DNAH11: variants seen among roughly 807,000 people sequenced by gnomAD.
DNAH11 encodes the protein dynein axonemal heavy chain 11.
In DNAH11, 442 loss-of-function variants were observed where a neutral mutation model predicts 526.0. That is an observed-to-expected ratio of 0.84 (90% CI 0.78 to 0.91). The LOEUF (loss-of-function observed/expected upper bound fraction) is 0.91, where lower values mean the gene tolerates loss of function less well. Ranked by LOEUF, DNAH11 falls within the 40% of genes least tolerant of loss-of-function variation. The pLI is 0.00. For synonymous variants in DNAH11, 2,461 were observed against 1,935.9 expected, an observed-to-expected ratio of 1.27 and a Z score of -7.12; for missense variants, 6,989 against 5,448.7, an observed-to-expected ratio of 1.28 and a Z score of -8.90.
At chr7:21,628,376 G>C (rs1786450271) in intron 25 of DNAH11, among the ~76,000 whole-genome samples, 1 of 152,068 alleles carries the variant, frequency 6.6e-6, no homozygotes, top group Non-Finnish European at 1.5e-5. Flanking sequence ...CCAGATCTTA[G>C]AGGAAAGGCT....
At chr7:21,639,240 A>G (rs769320504) in intron 28 of DNAH11, among the ~76,000 whole-genome samples, 175 bp downstream of exon 28, 1 of 152,192 alleles carries the variant, frequency 6.6e-6, no homozygotes, top group Non-Finnish European at 1.5e-5. Context: ...AAAAGGGAGT[A>G]GGAAGAATAA....
chr7:21,573,505 CT>C (rs980742260), intron 8 of DNAH11, among the ~76,000 whole-genome samples: 9 of 152,182 alleles, frequency 5.9e-5, no homozygotes, highest in African/African-American at 2.2e-4. Context: ...ATGACCATTA[CT>C]TTTTTAAAAA....
At chr7:21,736,416 T>C (rs1422430589) in intron 46 of DNAH11, among the ~76,000 whole-genome samples, 1 of 152,124 alleles carries the variant, frequency 6.6e-6, no homozygotes, top group Non-Finnish European at 1.5e-5. Context: ...AAAGAGCTGA[T>C]GTCGGAAGGC....
chr7:21,773,802 C>T lies in DNAH11; in HGVS notation c.9139C>T (p.His3047Tyr), dbSNP rs1159816817. Residue 3047 changes from histidine to tyrosine, a missense_variant, in exon 56 of 82, where the codon CAT (histidine) becomes TAT (tyrosine). Physicochemically the swap from His to Tyr is moderately conservative, Grantham distance 83 (BLOSUM62 2). Transcript: ENST00000409508. ...AGACTCTATTAGCCTTTTCATGGCACATGTTCACACCACTGTAAATGAAAT... is the reference window on the plus strand; with the variant it reads ...AGACTCTATTAGCCTTTTCATGGCATATGTTCACACCACTGTAAATGAAAT... ...HKDSISLFMA[H>Y]VHTTVNEMST... 3.1e-6 allele frequency: 5 copies of T among 1,605,818 alleles called. 1 individual carries two copies.
At chr7:21,656,038 G>A (rs1782002552) in intron 29 of DNAH11, 57 bp downstream of exon 29, 52 of 1,486,042 alleles carry the variant, frequency 3.5e-5, no homozygotes, top group Non-Finnish European at 4.4e-5. Flanking sequence ...CATGCTCTTA[G>A]AAGGTTGAGT....
Position 21,558,834 on chromosome 7 carries a change from C to A in DNAH11, c.528C>A (p.Asn176Lys). The A allele has an allele frequency of 1.2e-6, 2 of 1,601,290 alleles. No homozygotes were observed. The highest frequency in any genetic ancestry group is 1.7e-6 in the Non-Finnish European group (2 of 1,174,842). Residue 176 changes from asparagine (N) to lysine (K), a missense_variant, in exon 3 of 82, where the codon AAC becomes AAA. Transcript: ENST00000409508. ...TGCCAGTTCTTTCTAATAAGAACAA[C>A]CATAAGTCCTGGTCCTGTTTTACTT... ...ILVPVLSNKN[N>K]HKSWSCFTSQ...
intron 7 of DNAH11, 73 bp downstream of exon 7, chr7:21,570,372 AT>A (rs1783837850): frequency 2.4e-6 from 3 of 1,243,254 alleles, no homozygotes; most frequent in Admixed American, 4.6e-5. Context: ...CACATGATTC[AT>A]GGAACAGTTT....
intron 65 of DNAH11, among the ~76,000 whole-genome samples, chr7:21,826,154 A>G (rs1276921412): frequency 6.6e-6 from 1 of 152,218 alleles, no homozygotes; most frequent in Admixed American, 6.5e-5. Context: ...CTTGTACCCC[A>G]TAAATCTATA....
rs200306805 is a variant in DNAH11, at chr7:21,733,841, T to TTA, written c.7441-1788_7441-1787dup. 7.4e-3 allele frequency among the ~76,000 whole-genome samples: 1,121 copies of TTA among 152,154 alleles called. 5 individuals are homozygous for TTA. Among genetic ancestry groups the TTA allele is most frequent in the Non-Finnish European group, 0.012 (805 of 67,992 alleles). ...AGGCAGGGACTGTCGCTAGCCTTTT[T>TTA]TATATATATATACGGAGAAACAGGC... On this transcript the variant is annotated intron_variant, in intron 45 of 81. Transcript: ENST00000409508.
intron 65 of DNAH11, among the ~76,000 whole-genome samples, chr7:21,822,603 A>G (rs888605912): frequency 2.6e-5 from 4 of 152,216 alleles, no homozygotes; most frequent in African/African-American, 4.8e-5. Context: ...GAATGCAGAT[A>G]CTTTTGCAAT....
chr7:21,573,931 A>C (rs1783988252), intron 8 of DNAH11, among the ~76,000 whole-genome samples: 1 of 152,128 alleles, frequency 6.6e-6, no homozygotes. Flanking sequence ...GCTGTTGTTT[A>C]TTTCTCTTCT....
At chr7:21,629,260 C>T (rs1310710398) in intron 25 of DNAH11, among the ~76,000 whole-genome samples, 1 of 152,044 alleles carries the variant, frequency 6.6e-6, no homozygotes, top group African/African-American at 2.4e-5. Context: ...TCATTGTAAT[C>T]AGAAAAGGTA....
chr7:21,582,436 A>G (rs1219703720), intron 9 of DNAH11, among the ~76,000 whole-genome samples: 1 of 152,212 alleles, frequency 6.6e-6, no homozygotes, highest in East Asian at 1.9e-4. Flanking sequence ...AGCAATTTAT[A>G]TACTGTATTT....
chr7:21,819,229 C>G (rs1035079492), intron 65 of DNAH11, among the ~76,000 whole-genome samples: 1 of 152,054 alleles, frequency 6.6e-6, no homozygotes, highest in African/African-American at 2.4e-5. Flanking sequence ...TTAACGCCCA[C>G]GCTCTGCCTC....
At chr7:21,587,240 C>G (rs951720462) in intron 9 of DNAH11, among the ~76,000 whole-genome samples, 1 of 152,066 alleles carries the variant, frequency 6.6e-6, no homozygotes, top group Non-Finnish European at 1.5e-5. Flanking sequence ...TTGTGAACAC[C>G]GGCAGTGAAG....
chr7:21,668,652 G>A (rs577999651), intron 30 of DNAH11, among the ~76,000 whole-genome samples: 30 of 152,052 alleles, frequency 2.0e-4, no homozygotes, highest in Admixed American at 7.2e-4. Context: ...CATCTCTGTC[G>A]TTGCATGTAT....
chr7:21,769,951 G>C (rs897973916), intron 55 of DNAH11, among the ~76,000 whole-genome samples: 5 of 152,052 alleles, frequency 3.3e-5, no homozygotes, highest in African/African-American at 9.7e-5. Context: ...TTGAGCTCCA[G>C]AATTAAAGGC....
At position 21,660,271 on chromosome 7, in the gene DNAH11, C is replaced by A. The variant is rs1198522671; in HGVS notation, c.5328+1240C>A. On this transcript the variant is annotated intron_variant, in intron 30 of 81. Transcript: ENST00000409508. ...TTTATGCTTTTATTATGACCATTTT[C>A]ATTATGCATATAAGTAAGGACATTT... 2.0e-5 allele frequency among the ~76,000 whole-genome samples: 3 copies of A among 151,950 alleles called. No individual in the cohort carries two copies. The East Asian group carries it at 5.8e-4, about 29-fold the overall frequency.
At chr7:21,668,420 T>A (rs1254664466) in intron 30 of DNAH11, among the ~76,000 whole-genome samples, 2 of 152,202 alleles carry the variant, frequency 1.3e-5, no homozygotes, top group African/African-American at 4.8e-5. Flanking sequence ...GTTTCTCTTG[T>A]AACACAGCTC....
Sources: allele counts gnomAD v4.1 joint callset (sites outside exome capture counted in the v4.1 genomes callset), GRCh38; gene constraint gnomAD v4.1.1; transcripts MANE v1.5; gene names NCBI Gene and HGNC (gene_info 2026-07-23, HGNC 2026-07-21).